The following DNAH5 variants were observed in gnomAD, a reference collection of about 807,000 sequenced individuals.
The protein encoded by DNAH5 is dynein axonemal heavy chain 5, also known as axonemal beta dynein heavy chain 5.
In DNAH5, 372 loss-of-function variants were observed where a neutral mutation model predicts 518.2. The observed-to-expected ratio is 0.72, with a 90% confidence interval of 0.66 to 0.78. DNAH5 has a LOEUF of 0.78. Ranked by LOEUF, DNAH5 falls within the 30% of genes least tolerant of loss-of-function variation. DNAH5 has a pLI of 0.00. For synonymous variants in DNAH5, 2,039 were observed against 2,025.9 expected, an observed-to-expected ratio of 1.01 and a Z score of -0.17; for missense variants, 5,523 against 5,687.0, an observed-to-expected ratio of 0.97 and a Z score of 0.93.
chr5:13,904,466 A>C (rs1775045664), intron 12 of DNAH5, among the ~76,000 whole-genome samples: 1 of 148,758 alleles, frequency 6.7e-6, no homozygotes, highest in Non-Finnish European at 1.5e-5. Flanking sequence ...CATGTGAATT[A>C]TATATAAGGA....
chr5:13,751,231 C>A lies in DNAH5; in HGVS notation c.11058G>T (p.Val3686=), dbSNP rs1372654063. 1 of 1,613,800 alleles carries A rather than the reference C, an allele frequency of 6.2e-7. No individual in the cohort carries two copies. Residue 3686 remains valine (V), a synonymous_variant, in exon 65 of 79, where the codon GTG becomes GTT. Transcript: ENST00000265104. The part of the protein sequence containing the change: ...KVKVGDKEVD[V]LDGFRLYITT... ...TAATGTAGAGTCTAAAGCCATCCAA[C>A]ACATCTACTTCCTTGTCACCAACTT...
chr5:13,921,371 A>C lies in DNAH5; in HGVS notation c.660+736T>G, dbSNP rs1385092493. ...GATCCATTTCCCTACCTGCCCCTACATGCCTGATCTGGGCTCTGTCATCTC... is the reference window on the plus strand; with the variant it reads ...GATCCATTTCCCTACCTGCCCCTACCTGCCTGATCTGGGCTCTGTCATCTC... On this transcript the variant is annotated intron_variant, in intron 5 of 78. Transcript: ENST00000265104. Among the ~76,000 whole-genome samples, 3 of 151,478 alleles carry C rather than the reference A, an allele frequency of 2.0e-5. No individual in the cohort carries two copies. In the East Asian group the frequency reaches 5.8e-4, roughly 29 times the overall value.
intron 1 of DNAH5, among the ~76,000 whole-genome samples, chr5:13,933,290 G>A (rs2152012450): frequency 6.6e-6 from 1 of 152,274 alleles, no homozygotes; most frequent in South Asian, 2.1e-4. Context: ...ACCTGCAAAA[G>A]TACACATCAA....
In DNAH5 at chr5:13,820,487, C is replaced by A. The variant is rs1186115718; in HGVS notation, c.6700G>T (p.Gly2234Cys). The change falls in exon 41 of 79, where the codon GGT becomes TGT. Residue 2234 changes from glycine to cysteine, a missense_variant. Coordinates refer to ENST00000265104, the MANE Select transcript of DNAH5 (RefSeq NM_001369.3). ...TTCCAAGGAGGATGGTTGATTAAACCAGCTTCTTCAACCTGAAAACATAAG... is the reference window on the plus strand; with the variant it reads ...TTCCAAGGAGGATGGTTGATTAAACAAGCTTCTTCAACCTGAAAACATAAG... Reference protein sequence around the residue: ...AAISRQVEEAGLINHPPWKLK... With the variant: ...AAISRQVEEACLINHPPWKLK... 1 of 1,613,954 alleles carries A rather than the reference C, an allele frequency of 6.2e-7. No homozygotes were observed. The highest frequency in any genetic ancestry group is 1.1e-5 in the South Asian group (1 of 91,066).
intron 15 of DNAH5, chr5:13,897,727 C>T (rs1450855897): frequency 1.3e-5 from 2 of 152,186 alleles, no homozygotes; most frequent in Non-Finnish European, 2.9e-5. Flanking sequence ...TCTCAACCTC[C>T]AAGATAATAA....
chr5:13,725,724 A>T (rs1005338145), intron 70 of DNAH5, among the ~76,000 whole-genome samples: 2 of 152,184 alleles, frequency 1.3e-5, no homozygotes, highest in Middle Eastern at 3.4e-3. Context: ...GCACGATCTC[A>T]GTTCACTGCA....
Position 13,749,355 on chromosome 5 carries a change from C to G in DNAH5, c.11211+1723G>C, listed in dbSNP as rs915086515. Among the ~76,000 whole-genome samples the G allele has an allele frequency of 2.6e-5, 4 of 152,152 alleles. No homozygotes were observed. In the East Asian group the frequency reaches 5.8e-4, roughly 22 times the overall value. On this transcript the variant is annotated intron_variant, in intron 65 of 78. Transcript: ENST00000265104. Reference sequence around the variant, plus strand: ...GAGATAATATTAAAGGAGTAATTCTCTCAAGACACTCAATTTTCCTAAGAA... The same window carrying G: ...GAGATAATATTAAAGGAGTAATTCTGTCAAGACACTCAATTTTCCTAAGAA...
Position 13,793,554 on chromosome 5 carries a change from A to C in DNAH5, c.8185T>G (p.Cys2729Gly). ...ACAGAAGCTTCAGAGGGCAACGTGC[A>C]ATTAAATATAGAGAACTGCCTCTTG... ...RLKRQFSIFN[C>G]TLPSEASVDK... The change falls in exon 49 of 79, where the codon TGC becomes GGC. Residue 2729 changes from cysteine to glycine, a missense_variant. By Grantham distance (159) the Cys-to-Gly change is radical (BLOSUM62 -3). Around this residue, in one of 3 missense-constraint regions of DNAH5, gnomAD observed 5,121 missense variants for 5,223.3 expected, o/e 0.98. Coordinates refer to ENST00000265104, the MANE Select transcript of DNAH5 (RefSeq NM_001369.3). 1 of 1,614,086 alleles carries C rather than the reference A, an allele frequency of 6.2e-7. No individual in the cohort carries two copies. Among genetic ancestry groups the C allele is most frequent in the Non-Finnish European group, 8.5e-7 (1 of 1,180,002 alleles).
chr5:13,758,405 T>C (rs1751307217), intron 61 of DNAH5, among the ~76,000 whole-genome samples: 1 of 152,068 alleles, frequency 6.6e-6, no homozygotes, highest in South Asian at 2.1e-4. Context: ...TGAGGTGGAA[T>C]GATCACTTAA....
At position 13,691,744 on chromosome 5, in the gene DNAH5, G is replaced by C; in HGVS notation, c.*240C>G. The C allele has an allele frequency of 1.9e-6, 1 of 520,480 alleles. No individual in the cohort carries two copies. The highest frequency in any genetic ancestry group is 3.4e-6 in the Non-Finnish European group (1 of 290,906). The allele number at this position is 520,480 out of a possible 1,614,324, so 32.2% of individuals were successfully genotyped here. A position where few individuals can be genotyped will look rare whatever the true frequency, so the allele number is the denominator to read the frequency against. ...TGGATTTGAGGGCCACACTTCATTA[G>C]GATGCTGTAAATTTACTTTTATATC... On this transcript the variant is annotated 3_prime_UTR_variant, in exon 79 of 79. Coordinates refer to ENST00000265104, the MANE Select transcript of DNAH5 (RefSeq NM_001369.3).
chr5:13,708,475 A>T, intron 75 of DNAH5, 140 bp from the exon 76 acceptor site: 1 of 769,552 alleles, frequency 1.3e-6, no homozygotes, highest in Non-Finnish European at 2.1e-6. Context: ...CATGGCAAAA[A>T]GAAAAAAAAA....
At position 13,827,468 on chromosome 5, in the gene DNAH5, C is replaced by T. The variant is rs369266969; in HGVS notation, c.6444+2042G>A. Among the ~76,000 whole-genome samples the T allele has an allele frequency of 2.0e-4, 18 of 89,950 alleles. 1 individual carries two copies. The highest frequency in any genetic ancestry group is 5.4e-4 in the Admixed American group (5 of 9,242). The allele number at this position is 89,950 out of a possible 152,430, so 59.0% of individuals were successfully genotyped here. On this transcript the variant is annotated intron_variant, in intron 38 of 78. Transcript: ENST00000265104. ...GGGACTTGGTGCCCTGCATCCCAGC[C>T]GCTCCAGCTGAGGCTAACAATGCCT...
At chr5:13,819,564 T>C (rs940556575) in intron 41 of DNAH5, among the ~76,000 whole-genome samples, 1 of 152,088 alleles carries the variant, frequency 6.6e-6, no homozygotes, top group African/African-American at 2.4e-5. Flanking sequence ...AGTCAGCTCC[T>C]AGAACCTCAA....
intron 14 of DNAH5, 135 bp downstream of exon 14, chr5:13,901,117 G>A: frequency 5.7e-6 from 5 of 883,684 alleles, no homozygotes; most frequent in Non-Finnish European, 8.9e-6. Flanking sequence ...ATTACACTCT[G>A]AACGCTTAGA....
At chr5:13,854,306 G>A (rs1767293928) in intron 30 of DNAH5, among the ~76,000 whole-genome samples, 1 of 152,168 alleles carries the variant, frequency 6.6e-6, no homozygotes, top group Non-Finnish European at 1.5e-5. Context: ...ATCCTTTAAA[G>A]ACAAGCAAGT....
chr5:13,874,809 A>G (rs1399772488), intron 22 of DNAH5, among the ~76,000 whole-genome samples: 1 of 152,046 alleles, frequency 6.6e-6, no homozygotes, highest in Non-Finnish European at 1.5e-5. Context: ...GGGCCACTAC[A>G]TCCAGCCTCA....
At chr5:13,781,787 A>C (rs1221763353) in intron 52 of DNAH5, among the ~76,000 whole-genome samples, 1 of 152,148 alleles carries the variant, frequency 6.6e-6, no homozygotes, top group Non-Finnish European at 1.5e-5. Context: ...CATGAAAACG[A>C]ACTAATACAT....
At chr5:13,947,314 G>GT (rs1780006296), upstream of DNAH5, among the ~76,000 whole-genome samples, 1 of 151,972 alleles carries the variant, frequency 6.6e-6, no homozygotes, top group Non-Finnish European at 1.5e-5. Context: ...TTGAAGCCTC[G>GT]TATGTACATC....
intron 31 of DNAH5, among the ~76,000 whole-genome samples, chr5:13,849,203 A>G (rs538279504): frequency 1.3e-5 from 2 of 152,306 alleles, no homozygotes; most frequent in South Asian, 4.1e-4. Context: ...TTTGTCCTTA[A>G]CCAGCAGTGC....
Sources: allele counts gnomAD v4.1 joint callset (sites outside exome capture counted in the v4.1 genomes callset), GRCh38; gene constraint gnomAD v4.1.1; regional missense constraint gnomAD v4.1.1; transcripts MANE v1.5; gene names NCBI Gene and HGNC (gene_info 2026-07-23, HGNC 2026-07-21).